The following WDR27 variants were observed in gnomAD, a reference collection of about 807,000 sequenced individuals.
WDR27 encodes WD repeat domain 27.
In WDR27, 100 loss-of-function variants were observed where a neutral mutation model predicts 114.4. The observed-to-expected ratio is 0.87, with a 90% CI of 0.74 to 1.03. WDR27 has a LOEUF of 1.03. WDR27 is among the 50% of genes least tolerant of loss of function. WDR27 has a pLI of 0.00. For synonymous variants in WDR27, 449 were observed against 423.1 expected (o/e 1.06, Z -0.75); for missense variants, 1,129 against 1,092.9 (o/e 1.03, Z -0.47).
intron 6 of WDR27, 102 bp downstream of exon 6, chr6:169,667,034 C>G: frequency 7.5e-7 from 1 of 1,335,306 alleles, no homozygotes; most frequent in African/African-American, 1.5e-5. Flanking sequence ...TCATTCAGAT[C>G]CACTCGAATG....
chr6:169,533,994 C>T (rs1254817183), intron 25 of WDR27, among the ~76,000 whole-genome samples: 1 of 152,172 alleles, frequency 6.6e-6, no homozygotes, highest in Non-Finnish European at 1.5e-5. Context: ...AAGCACCCAG[C>T]CGAAAACCAT....
chr6:169,526,983 T>C (rs1440705941), intron 25 of WDR27, among the ~76,000 whole-genome samples: 1 of 152,208 alleles, frequency 6.6e-6, no homozygotes, highest in African/African-American at 2.4e-5. Flanking sequence ...TATACTTTTT[T>C]AAAATGGAAA....
chr6:169,443,894 C>T, the WDR27 span, among the ~76,000 whole-genome samples: 1 of 152,226 alleles, frequency 6.6e-6, no homozygotes, highest in African/African-American at 2.4e-5. Flanking sequence ...GGGTTTCCAA[C>T]CTGGCATTGC....
rs1827108305 is a variant in WDR27, at chr6:169,664,089, C to T, written c.904+77G>A. 3.0e-6 allele frequency: 4 copies of T among 1,348,052 alleles called. No homozygotes were observed. The South Asian group carries it at 5.9e-5, about 20-fold the overall frequency. 83.5% of individuals were successfully genotyped at this position (1,348,052 alleles called of 1,614,324 possible). ...TGGGATCTCTCTCTCCCCTGTGTGA[C>T]CTAGGGCCCTTGACATGGCGCCTGG... On this transcript the variant is annotated intron_variant, in intron 8 of 25. Transcript: ENST00000448612.
chr6:169,680,824 T>A (rs1781334441), intron 2 of WDR27, among the ~76,000 whole-genome samples: 1 of 152,186 alleles, frequency 6.6e-6, no homozygotes, highest in South Asian at 2.1e-4. Context: ...AAAAACAGTA[T>A]CACTTTATAA....
At chr6:169,700,816 A>C (rs1015035297) in intron 1 of WDR27, among the ~76,000 whole-genome samples, 5 of 152,168 alleles carry the variant, frequency 3.3e-5, no homozygotes, top group African/African-American at 1.2e-4. Context: ...AGAAATAATA[A>C]AGTTTTTTAT....
At chr6:169,535,868 G>C (rs936274261) in intron 25 of WDR27, among the ~76,000 whole-genome samples, 1 of 152,212 alleles carries the variant, frequency 6.6e-6, no homozygotes, top group Non-Finnish European at 1.5e-5. Context: ...CTGACACCCA[G>C]TGTATTCACT....
intron 13 of WDR27, chr6:169,657,948 G>T: frequency 4.6e-6 from 1 of 217,774 alleles, no homozygotes; most frequent in Non-Finnish European, 9.6e-6. Context: ...AGAAAAAAGG[G>T]GAAAAAAATG....
chr6:169,657,965 C>A (rs942728655), intron 13 of WDR27: 2 of 236,012 alleles, frequency 8.5e-6, no homozygotes, highest in African/African-American at 4.4e-5. Flanking sequence ...AATGTTCTCA[C>A]AATCAGTAAT....
intron 25 of WDR27, among the ~76,000 whole-genome samples, chr6:169,497,020 C>T (rs188132102): frequency 6.6e-6 from 1 of 152,086 alleles, no homozygotes; most frequent in African/African-American, 2.4e-5. Context: ...AGGACCTACA[C>T]TTTCTAATTT....
intron 17 of WDR27, among the ~76,000 whole-genome samples, chr6:169,640,916 C>G (rs1392837595): frequency 6.6e-6 from 1 of 152,178 alleles, no homozygotes; most frequent in Non-Finnish European, 1.5e-5. Context: ...GATGTGTTTT[C>G]TACGTGAGGC....
At chr6:169,547,754 A>G (rs533445632) in intron 25 of WDR27, among the ~76,000 whole-genome samples, 1 of 152,316 alleles carries the variant, frequency 6.6e-6, no homozygotes, top group East Asian at 1.9e-4. Flanking sequence ...CAAAGCAAGG[A>G]TATCCCCTTT....
At chr6:169,498,199 G>A (rs1790655183) in intron 25 of WDR27, among the ~76,000 whole-genome samples, 1 of 152,080 alleles carries the variant, frequency 6.6e-6, no homozygotes, top group African/African-American at 2.4e-5. Context: ...GGTACCTAGA[G>A]TGAAAATCAC....
At chr6:169,670,749 A>G (rs140311268) in intron 3 of WDR27, 56 bp from the exon 4 acceptor site, 4 of 1,597,040 alleles carry the variant, frequency 2.5e-6, no homozygotes, top group East Asian at 4.5e-5. Context: ...GCATTACATT[A>G]ATCTGAGAAA....
intron 25 of WDR27, among the ~76,000 whole-genome samples, chr6:169,511,058 C>T (rs1792780764): frequency 6.6e-6 from 1 of 152,160 alleles, no homozygotes; most frequent in East Asian, 1.9e-4. Flanking sequence ...TAGCCATTCC[C>T]ACACACAATT....
intron 25 of WDR27, among the ~76,000 whole-genome samples, chr6:169,515,442 A>T (rs1793517780): frequency 6.6e-6 from 1 of 152,214 alleles, no homozygotes; most frequent in Non-Finnish European, 1.5e-5. Context: ...ATGGATACAG[A>T]TCTTATTGGG....
At chr6:169,566,155 C>T (rs538796580) in intron 25 of WDR27, among the ~76,000 whole-genome samples, 1 of 151,314 alleles carries the variant, frequency 6.6e-6, no homozygotes, top group Non-Finnish European at 1.5e-5. Flanking sequence ...TATTGTTACT[C>T]GTTAGAAGAA....
rs774155276 is a variant in WDR27, at chr6:169,636,502, G to T, written c.1872C>A (p.Gly624=). Residue 624 remains glycine (G), a splice_region_variant and synonymous_variant, in exon 19 of 26, where the codon GGC becomes GGA. Coordinates refer to ENST00000448612, the MANE Select transcript of WDR27 (RefSeq NM_182552.5). ...GTATAGGTTTAGAAAACATGTCTTT[G>T]CCCTGTAATGCAAATCAGTAATTAC... ...ARGAELALLL[G]KDMFSKPIQS... The T allele has an allele frequency of 2.1e-5, 34 of 1,599,734 alleles. No homozygotes were observed. In the East Asian group the frequency reaches 7.2e-4, roughly 34 times the overall value.
chr6:169,461,647 T>TAA (rs143277767), intron 25 of WDR27, among the ~76,000 whole-genome samples: 8,044 of 137,912 alleles, frequency 0.058, 332 homozygotes, highest in South Asian at 0.12. Flanking sequence ...ATGCTTGTAT[T>TAA]AAAAAAAAAA....
Sources: allele counts gnomAD v4.1 joint callset (sites outside exome capture counted in the v4.1 genomes callset), GRCh38; gene constraint gnomAD v4.1.1; transcripts MANE v1.5; gene names NCBI Gene and HGNC (gene_info 2026-07-23, HGNC 2026-07-21).